Variants in HINT1 observed in about 807,000 individuals in gnomAD.
HINT1 encodes histidine triad nucleotide binding protein 1, also known as adenosine 5'-monophosphoramidase HINT1.
In HINT1, 12 loss-of-function variants were observed where a neutral mutation model predicts 11.2. That is an observed-to-expected ratio of 1.07 (90% CI 0.69 to 1.74). The LOEUF (loss-of-function observed/expected upper bound fraction) is 1.74, where lower values mean the gene tolerates loss of function less well. Ranked by LOEUF, HINT1 falls within the 40% of genes most tolerant of loss-of-function variation. HINT1 has a pLI of 0.00. For missense variants in HINT1, 150 were observed against 161.8 expected (o/e 0.93, Z 0.40); for synonymous variants, 42 against 52.6 (o/e 0.80, Z 0.87).
At chr5:131,162,825 T>C (rs544943309) in intron 1 of HINT1, 149 bp from the exon 2 acceptor site, 182 of 592,694 alleles carry the variant, frequency 3.1e-4, no homozygotes, top group Non-Finnish European at 4.6e-4. Context: ...AATGGTGCCG[T>C]GGTCCTTTCC....
chr5:131,161,595 CAA>C (rs1220648384), intron 2 of HINT1, among the ~76,000 whole-genome samples: 11 of 61,602 alleles, frequency 1.8e-4, no homozygotes, highest in African/African-American at 1.8e-4. Context: ...AACTCCGTCT[CAA>C]AAAAAAAAAA....
chr5:131,163,205 G>A (rs1163029043), intron 1 of HINT1, among the ~76,000 whole-genome samples: 1 of 152,128 alleles, frequency 6.6e-6, no homozygotes, highest in Non-Finnish European at 1.5e-5. Context: ...TGTTACAAAG[G>A]AAAAATATGA....
In HINT1 at chr5:131,162,665, G is replaced by A. The variant is rs759762924; in HGVS notation, c.123C>T (p.Phe41=). Residue 41 remains phenylalanine, a synonymous_variant, in exon 2 of 3, where the codon TTC becomes TTT. Transcript: ENST00000304043. ...IIFEDDRCLA[F]HDISPQAPTH... ...TTGGTGCTTGAGGGGAAATGTCATG[G>A]AAAGCAAGGCACTAGGGAAAAGAGA... is the stretch of plus-strand genomic sequence containing the variant. The A allele has an allele frequency of 6.2e-7, 1 of 1,605,240 alleles. No homozygotes were observed. The highest frequency in any genetic ancestry group is 8.5e-7 in the Non-Finnish European group (1 of 1,172,768).
intron 2 of HINT1, chr5:131,160,876 T>G (rs950109317): frequency 1.1e-4 from 49 of 456,226 alleles, no homozygotes; most frequent in Non-Finnish European, 2.0e-4. Context: ...ATTAGATGAT[T>G]TTGCCCAACT....
chr5:131,159,673 CA>C, intron 2 of HINT1, 62 bp from the exon 3 acceptor site: 1 of 1,454,388 alleles, frequency 6.9e-7, no homozygotes, highest in South Asian at 1.2e-5. Context: ...CATTAAATAA[CA>C]AACTGTCAAG....
At chr5:131,164,970 A>G (rs984554551) in intron 1 of HINT1, 125 bp downstream of exon 1, 1 of 1,377,810 alleles carries the variant, frequency 7.3e-7, no homozygotes. Flanking sequence ...CCGCTGGACC[A>G]GGGCAGCCAG....
chr5:131,164,991 G>A (rs1397679188), intron 1 of HINT1, 104 bp downstream of exon 1: 8 of 1,521,272 alleles, frequency 5.3e-6, no homozygotes, highest in African/African-American at 4.1e-5. Context: ...GTCCCCTCCC[G>A]TCGCCGCTAC....
intron 1 of HINT1, among the ~76,000 whole-genome samples, chr5:131,164,640 G>A (rs1755344915): frequency 6.6e-6 from 1 of 152,324 alleles, no homozygotes; most frequent in Admixed American, 6.5e-5. Flanking sequence ...GGAACGCCGG[G>A]CCCTGGCAGG....
At chr5:131,159,857 C>CT (rs1047647597) in intron 2 of HINT1, among the ~76,000 whole-genome samples, 6 of 149,358 alleles carry the variant, frequency 4.0e-5, no homozygotes, top group South Asian at 2.1e-4. Flanking sequence ...TTCAATTAAA[C>CT]TTTTTTTTTT....
At chr5:131,162,760 C>T in intron 1 of HINT1, 84 bp from the exon 2 acceptor site, 1 of 819,004 alleles carries the variant, frequency 1.2e-6, no homozygotes, top group Non-Finnish European at 2.0e-6. Flanking sequence ...ATTTACTGAG[C>T]AGTAACTACA....
At chr5:131,164,504 G>A (rs755211289) in intron 1 of HINT1, among the ~76,000 whole-genome samples, 1 of 152,226 alleles carries the variant, frequency 6.6e-6, no homozygotes, top group Non-Finnish European at 1.5e-5. Context: ...GGTGGAGATA[G>A]GGATAGGGGT....
At chr5:131,161,330 G>A (rs1042361395) in intron 2 of HINT1, among the ~76,000 whole-genome samples, 2 of 152,096 alleles carry the variant, frequency 1.3e-5, no homozygotes, top group African/African-American at 4.8e-5. Context: ...GGGGCTGGGC[G>A]TGGTGGCTGA....
intron 2 of HINT1, chr5:131,162,362 G>A (rs568348216): frequency 1.6e-5 from 15 of 936,234 alleles, no homozygotes; most frequent in African/African-American, 8.2e-5. Flanking sequence ...ATAAGGATAC[G>A]GAGAAGCTGG....
intron 2 of HINT1, among the ~76,000 whole-genome samples, chr5:131,161,892 C>T (rs1755258578): frequency 1.3e-5 from 2 of 152,188 alleles, no homozygotes. Flanking sequence ...TACAGCTAGA[C>T]CAACCCCTCG....
intron 1 of HINT1, among the ~76,000 whole-genome samples, chr5:131,163,271 G>T (rs551540546): frequency 1.5e-3 from 228 of 152,302 alleles, no homozygotes; most frequent in African/African-American, 5.4e-3. Flanking sequence ...CAACTCTGAG[G>T]CAGTGACATT....
rs6860541 is a variant in HINT1 at position 131,161,360 on chromosome 5, T to C, written c.216+1212A>G. On this transcript the variant is annotated intron_variant, in intron 2 of 2. Coordinates refer to ENST00000304043, the MANE Select transcript of HINT1 (RefSeq NM_005340.7). ...GGCTGACACCTGTAATCCCAGCACT[T>C]TGGAAGGCTGAGGCGGGTGGATCAC... is the stretch of plus-strand genomic sequence containing the variant. Among the ~76,000 whole-genome samples the C allele has an allele frequency of 3.1e-3, 468 of 152,168 alleles. 2 individuals are homozygous for C. The highest frequency in any genetic ancestry group is 9.6e-3 in the African/African-American group (400 of 41,514).
intron 2 of HINT1, chr5:131,160,969 G>A (rs182855844): frequency 8.0e-5 from 28 of 348,042 alleles, no homozygotes; most frequent in South Asian, 3.1e-4. Flanking sequence ...TGTCTTACAC[G>A]CATTTTCAAC....
At chr5:131,163,457 C>T (rs891800712) in intron 1 of HINT1, among the ~76,000 whole-genome samples, 3 of 152,102 alleles carry the variant, frequency 2.0e-5, no homozygotes, top group Non-Finnish European at 4.4e-5. Context: ...AACTGCTAGT[C>T]ATTCCGCCAT....
In HINT1 at chr5:131,165,244, C is replaced by T. The variant is rs777773810; in HGVS notation, c.-39G>A. ...CCGCGCGGCGGCCAGAGGAGAGGCT[C>T]GGAAGAAGGGAGGAACCCGCAGAGC... is the stretch of plus-strand genomic sequence containing the variant. On this transcript the variant is annotated 5_prime_UTR_variant, in exon 1 of 3. Transcript: ENST00000304043. 3 of 1,592,216 alleles carry T rather than the reference C, an allele frequency of 1.9e-6. No individual in the cohort carries two copies. Among genetic ancestry groups the T allele is most frequent in the South Asian group, 2.2e-5 (2 of 90,528 alleles).
Sources: allele counts gnomAD v4.1 joint callset (sites outside exome capture counted in the v4.1 genomes callset), GRCh38; gene constraint gnomAD v4.1.1; transcripts MANE v1.5; gene names NCBI Gene and HGNC (gene_info 2026-07-23, HGNC 2026-07-21).